Variants in SLC25A21 observed in about 807,000 individuals in gnomAD.
The protein encoded by SLC25A21 is solute carrier family 25 member 21, also known as mitochondrial 2-oxodicarboxylate carrier.
Under a neutral mutation model 43.8 loss-of-function variants are expected in SLC25A21, and 47 were observed. That is an observed-to-expected ratio of 1.07 (90% CI 0.85 to 1.37). SLC25A21 has a LOEUF of 1.37. Ranked by LOEUF, SLC25A21 falls within the 40% of genes most tolerant of loss-of-function variation. The pLI is 0.00. For synonymous variants in SLC25A21, 131 were observed against 121.3 expected (o/e 1.08, Z -0.52); for missense variants, 352 against 350.2 (o/e 1.00, Z -0.04).
chr14:36,770,418 TATGCTCACTACCTGGGTG>T (rs1483132429), intron 3 of SLC25A21, among the ~76,000 whole-genome samples: 1 of 152,120 alleles, frequency 6.6e-6, no homozygotes, highest in Non-Finnish European at 1.5e-5. Flanking sequence ...TGTTGGATAA[TATGCTCACTACCTGGGTG>T]ATGGGATCAT....
intron 1 of SLC25A21, among the ~76,000 whole-genome samples, chr14:36,903,938 CT>C (rs920044710): frequency 6.6e-6 from 1 of 152,114 alleles, no homozygotes; most frequent in Non-Finnish European, 1.5e-5. Context: ...TCACTCTTGC[CT>C]TTTTTTGTTC....
chr14:36,710,373 CCAAGAAAAAA>C (rs1566523895), intron 7 of SLC25A21, among the ~76,000 whole-genome samples: 1 of 139,136 alleles, frequency 7.2e-6, no homozygotes, highest in South Asian at 2.5e-4. Context: ...AACTCTGTCT[CCAAGAAAAAA>C]AAAGAAAAGA....
chr14:36,954,504 A>T (rs2022718), intron 1 of SLC25A21, among the ~76,000 whole-genome samples: 33,882 of 151,140 alleles, frequency 0.22, 4,141 homozygotes, highest in Admixed American at 0.31. Flanking sequence ...TATATATAAG[A>T]AATAATATAT....
intron 1 of SLC25A21, among the ~76,000 whole-genome samples, chr14:37,159,977 C>G (rs1963911845): frequency 6.6e-6 from 1 of 152,144 alleles, no homozygotes; most frequent in Non-Finnish European, 1.5e-5. Context: ...GTCGGCATCA[C>G]TAATCATCAG....
chr14:37,029,308 T>G (rs979713200), intron 1 of SLC25A21, among the ~76,000 whole-genome samples: 3 of 152,202 alleles, frequency 2.0e-5, no homozygotes, highest in African/African-American at 7.2e-5. Flanking sequence ...GTCTACATTC[T>G]TAGCAGTCTG....
chr14:36,962,506 A>G (rs1485588237), intron 1 of SLC25A21, among the ~76,000 whole-genome samples: 1 of 151,502 alleles, frequency 6.6e-6, no homozygotes, highest in Non-Finnish European at 1.5e-5. Flanking sequence ...CCATAGCCCC[A>G]CCCCTGGTAG....
intron 3 of SLC25A21, among the ~76,000 whole-genome samples, chr14:36,798,112 C>T (rs570637565): frequency 5.6e-4 from 85 of 152,248 alleles, no homozygotes; most frequent in African/African-American, 1.6e-3. Context: ...GTAGTCTGTG[C>T]GTTGTTAGCG....
chr14:36,740,307 C>T (rs1022914380), intron 3 of SLC25A21, among the ~76,000 whole-genome samples: 1 of 152,014 alleles, frequency 6.6e-6, no homozygotes, highest in Non-Finnish European at 1.5e-5. Context: ...TGAAAGAACC[C>T]CTTACCACAG....
chr14:36,773,312 G>A (rs1886695548), intron 3 of SLC25A21, among the ~76,000 whole-genome samples: 1 of 152,072 alleles, frequency 6.6e-6, no homozygotes, highest in Non-Finnish European at 1.5e-5. Context: ...TGCCATCTAG[G>A]GCATCTCACA....
intron 7 of SLC25A21, among the ~76,000 whole-genome samples, chr14:36,694,595 T>C (rs1390852663): frequency 2.6e-5 from 4 of 152,220 alleles, no homozygotes; most frequent in Non-Finnish European, 5.9e-5. Context: ...TTTTTAATGA[T>C]TGCCATTCTA....
At position 36,838,684 on chromosome 14, in the gene SLC25A21, C is replaced by G. The variant is rs925847065; in HGVS notation, c.120-24683G>C. 1.8e-4 allele frequency among the ~76,000 whole-genome samples: 27 copies of G among 152,094 alleles called. 1 individual carries two copies. Among genetic ancestry groups the G allele is most frequent in the Admixed American group, 1.4e-3 (22 of 15,272 alleles). ...AAATGTTGATTATGACATTGCTTTG[C>G]CTGAAGTCTAGGCTACAGTATCACA... On this transcript the variant is annotated intron_variant, in intron 2 of 9. Coordinates refer to ENST00000331299, the MANE Select transcript of SLC25A21 (RefSeq NM_030631.4).
intron 1 of SLC25A21, among the ~76,000 whole-genome samples, chr14:36,878,051 C>T (rs1441665221): frequency 6.6e-6 from 1 of 152,106 alleles, no homozygotes; most frequent in Non-Finnish European, 1.5e-5. Flanking sequence ...CATTTAATCC[C>T]CGCAGTGCTC....
intron 2 of SLC25A21, among the ~76,000 whole-genome samples, chr14:36,874,586 T>C (rs1181326083): frequency 6.6e-6 from 1 of 152,222 alleles, no homozygotes; most frequent in Non-Finnish European, 1.5e-5. Context: ...CATACCAAAA[T>C]GCTGACTATT....
At chr14:37,103,617 C>T (rs558197833) in intron 1 of SLC25A21, among the ~76,000 whole-genome samples, 5 of 152,292 alleles carry the variant, frequency 3.3e-5, no homozygotes, top group African/African-American at 1.2e-4. Flanking sequence ...TCAAATTCTT[C>T]CAAGATCCAT....
In SLC25A21 at chr14:37,095,811, C is replaced by T. The variant is rs558519981; in HGVS notation, c.70+76470G>A. On this transcript the variant is annotated intron_variant, in intron 1 of 9. Transcript: ENST00000331299. ...ATATATATATTTATATACACACACA[C>T]GCGCACGCACACACACACACACACA... 4.0e-4 allele frequency among the ~76,000 whole-genome samples: 13 copies of T among 32,692 alleles called. No homozygotes were observed. In the South Asian group the frequency reaches 8.0e-3, roughly 20 times the overall value. The allele number at this position is 32,692 out of a possible 152,430, so 21.4% of individuals were successfully genotyped here.
rs570246711 is a variant in SLC25A21 at position 36,875,169 on chromosome 14, T to C, written c.71-165A>G. 2.6e-4 allele frequency among the ~76,000 whole-genome samples: 39 copies of C among 152,356 alleles called. No homozygotes were observed. The South Asian group carries it at 3.5e-3, about 14-fold the overall frequency. The stretch of plus-strand genomic sequence containing the variant: ...AGTGGCAAAAGACAGAAGCATAATA[T>C]GATTTTATTTCAATGGAAGTAAGAT... On this transcript the variant is annotated intron_variant, in intron 1 of 9. Transcript: ENST00000331299.
Position 36,875,034 on chromosome 14 carries a change from C to T in SLC25A21, c.71-30G>A, listed in dbSNP as rs1205800115. ...AAGATGATAAAGAAAATCCAATAAA[C>T]ACTTATGTAAACACTGGTTCTTATT... On this transcript the variant is annotated intron_variant, in intron 1 of 9. Transcript: ENST00000331299. 8 of 1,557,214 alleles carry T rather than the reference C, an allele frequency of 5.1e-6. No homozygotes were observed. In the Admixed American group the frequency reaches 1.2e-4, roughly 23 times the overall value.
At chr14:37,093,986 G>A (rs1286460458) in intron 1 of SLC25A21, among the ~76,000 whole-genome samples, 1 of 152,128 alleles carries the variant, frequency 6.6e-6, no homozygotes, top group Non-Finnish European at 1.5e-5. Flanking sequence ...CAATTTTGAA[G>A]ACTCTATTTT....
At position 36,867,898 on chromosome 14, in the gene SLC25A21, G is replaced by C. The variant is rs376069088; in HGVS notation, c.119+7058C>G. On this transcript the variant is annotated intron_variant, in intron 2 of 9. Coordinates refer to ENST00000331299, the MANE Select transcript of SLC25A21 (RefSeq NM_030631.4). ...AAATATGAGGAAACTAAGGCACAGA[G>C]GAGATAACTTAATGAGGTCACATAG... Among the ~76,000 whole-genome samples the C allele has an allele frequency of 1.5e-4, 23 of 151,988 alleles. No individual in the cohort carries two copies. In the East Asian group the frequency reaches 2.1e-3, roughly 14 times the overall value.
Sources: allele counts gnomAD v4.1 joint callset (sites outside exome capture counted in the v4.1 genomes callset), GRCh38; gene constraint gnomAD v4.1.1; transcripts MANE v1.5; gene names NCBI Gene and HGNC (gene_info 2026-07-23, HGNC 2026-07-21).